NEDD4L: variants seen among roughly 807,000 people sequenced by gnomAD.
NEDD4L encodes the protein NEDD4 like E3 ubiquitin protein ligase.
Under a neutral mutation model 148.9 loss-of-function variants are expected in NEDD4L, and 54 were observed. The ratio of observed to expected loss-of-function variants is 0.36; its 90% confidence interval spans 0.29 to 0.45. The LOEUF is 0.45. Ranked by LOEUF, NEDD4L falls within the 20% of genes least tolerant of loss-of-function variation. The pLI, the probability that NEDD4L is intolerant of heterozygous loss-of-function variation, is 1.00. For missense variants in NEDD4L, 856 were observed against 1,233.8 expected (o/e 0.69, Z 4.59); for synonymous variants, 433 against 440.7 (o/e 0.98, Z 0.22).
intron 5 of NEDD4L, among the ~76,000 whole-genome samples, chr18:58,306,743 A>G (rs2057109923): frequency 6.6e-6 from 1 of 151,868 alleles, no homozygotes; most frequent in African/African-American, 2.4e-5. Flanking sequence ...CTCCTGCCTC[A>G]GCCTCCCAAG....
At chr18:58,236,578 ACT>A (rs1382510639) in intron 2 of NEDD4L, among the ~76,000 whole-genome samples, 4 of 151,850 alleles carry the variant, frequency 2.6e-5, no homozygotes, top group Non-Finnish European at 4.4e-5. Context: ...TGAAAGGGAG[ACT>A]CTAAGATCTT....
intron 5 of NEDD4L, among the ~76,000 whole-genome samples, chr18:58,299,085 C>T (rs1417155831): frequency 6.6e-6 from 1 of 152,206 alleles, no homozygotes; most frequent in African/African-American, 2.4e-5. Context: ...TGGCTCAGCA[C>T]AATTTGGTCT....
chr18:58,349,150 C>T (rs958191378), intron 16 of NEDD4L, among the ~76,000 whole-genome samples: 1 of 152,066 alleles, frequency 6.6e-6, no homozygotes, highest in East Asian at 1.9e-4. Flanking sequence ...ACCGGGAGCT[C>T]GGGACCCATG....
intron 5 of NEDD4L, among the ~76,000 whole-genome samples, chr18:58,303,078 T>C (rs914840456): frequency 4.6e-5 from 7 of 152,204 alleles, no homozygotes; most frequent in Admixed American, 2.6e-4. Context: ...CCTGGGGCCT[T>C]ACTTGACTCA....
chr18:58,355,595 G>T (rs2044504177), intron 18 of NEDD4L, among the ~76,000 whole-genome samples: 1 of 152,192 alleles, frequency 6.6e-6, no homozygotes, highest in Admixed American at 6.5e-5. Flanking sequence ...TTACTCAGCT[G>T]TACTCCGTTT....
intron 1 of NEDD4L, among the ~76,000 whole-genome samples, chr18:58,144,343 G>A (rs1210626956): frequency 2.6e-5 from 4 of 152,132 alleles, no homozygotes; most frequent in East Asian, 1.9e-4. Context: ...GGCATCTCAC[G>A]TGGCCAGAGC....
chr18:58,393,516 C>T (rs553137904), intron 30 of NEDD4L, among the ~76,000 whole-genome samples: 17 of 152,322 alleles, frequency 1.1e-4, no homozygotes, highest in African/African-American at 3.1e-4. Flanking sequence ...TTATGTGTCA[C>T]GGAAATAAAG....
At chr18:58,328,564 G>T (rs2059516140) in intron 9 of NEDD4L, among the ~76,000 whole-genome samples, 1 of 152,114 alleles carries the variant, frequency 6.6e-6, no homozygotes, top group Admixed American at 6.6e-5. Flanking sequence ...TCAAATTGCT[G>T]GTGACCAGAA....
chr18:58,147,726 T>C (rs552053469), intron 1 of NEDD4L, among the ~76,000 whole-genome samples: 1 of 152,290 alleles, frequency 6.6e-6, no homozygotes, highest in East Asian at 1.9e-4. Context: ...ATTTGCCGAT[T>C]CTATATTTTG....
chr18:58,186,211 G>A (rs576793879), intron 2 of NEDD4L, among the ~76,000 whole-genome samples: 34 of 152,332 alleles, frequency 2.2e-4, no homozygotes, highest in African/African-American at 7.7e-4. Context: ...AACCTGTGTT[G>A]AGATATCAGC....
chr18:58,361,887 A>T (rs201551858), intron 19 of NEDD4L, among the ~76,000 whole-genome samples: 4 of 60,140 alleles, frequency 6.7e-5, no homozygotes, highest in East Asian at 7.7e-4. Context: ...TCCAATAATT[A>T]AAAAAAAAAA....
chr18:58,110,995 C>A (rs577504984), intron 1 of NEDD4L, among the ~76,000 whole-genome samples: 2 of 152,312 alleles, frequency 1.3e-5, no homozygotes, highest in East Asian at 3.9e-4. Flanking sequence ...TTACAATTCA[C>A]CCATTTACAG....
chr18:58,210,071 C>G (rs2042445158), intron 2 of NEDD4L, among the ~76,000 whole-genome samples: 1 of 152,076 alleles, frequency 6.6e-6, no homozygotes, highest in African/African-American at 2.4e-5. Context: ...GGAGGTGAGG[C>G]AGGAGAATTG....
chr18:58,165,858 C>A lies in NEDD4L; in HGVS notation c.119C>A (p.Ala40Asp). The change falls in exon 2 of 31, where the codon GCC becomes GAC. Residue 40 changes from alanine to aspartate, a missense_variant. Around this residue, in one of 4 missense-constraint regions of NEDD4L, gnomAD observed 193 missense variants for 244.2 expected, o/e 0.79. Coordinates refer to ENST00000400345, the MANE Select transcript of NEDD4L (RefSeq NM_001144967.3). ...IDLAKKDIFG[A>D]SDPYVKLSLY... ...CTCGCCAAAAAGGACATCTTTGGAG[C>A]CAGGTATGTTGGCTTTGTTTTTATT... is the stretch of plus-strand genomic sequence containing the variant. 1 of 1,605,624 alleles carries A rather than the reference C, an allele frequency of 6.2e-7. No individual in the cohort carries two copies. The highest frequency in any genetic ancestry group is 8.5e-7 in the Non-Finnish European group (1 of 1,175,216).
chr18:58,101,129 G>A (rs139828006), intron 1 of NEDD4L, among the ~76,000 whole-genome samples: 124 of 152,310 alleles, frequency 8.1e-4, no homozygotes, highest in African/African-American at 2.9e-3. Context: ...CTTGATTATG[G>A]GTTATGGAAG....
chr18:58,059,874 GACAA>G (rs1023269278), intron 1 of NEDD4L, among the ~76,000 whole-genome samples: 5 of 152,134 alleles, frequency 3.3e-5, no homozygotes, highest in African/African-American at 1.2e-4. Context: ...ACATGTACAT[GACAA>G]ACAGATACAA....
intron 5 of NEDD4L, among the ~76,000 whole-genome samples, chr18:58,288,231 A>C (rs1217648196): frequency 1.3e-5 from 2 of 152,246 alleles, no homozygotes; most frequent in Non-Finnish European, 2.9e-5. Context: ...AAGAGAGAGA[A>C]AACATCTGCT....
At position 58,397,332 on chromosome 18, in the gene NEDD4L, G is replaced by A. The variant is rs944440740; in HGVS notation, c.*1063G>A. 2 of 152,632 alleles carry A rather than the reference G, an allele frequency of 1.3e-5. No individual in the cohort carries two copies. Among genetic ancestry groups the A allele is most frequent in the Admixed American group, 6.5e-5 (1 of 15,280 alleles). 9.5% of individuals were successfully genotyped at this position (152,632 alleles called of 1,614,324 possible). On this transcript the variant is annotated 3_prime_UTR_variant, in exon 31 of 31. Coordinates refer to ENST00000400345, the MANE Select transcript of NEDD4L (RefSeq NM_001144967.3). ...TCTGAAGGCACTTTATGTACTACATGGAGGTCATATCTGGTTTTGTTTTTA... is the reference window on the plus strand; with the variant it reads ...TCTGAAGGCACTTTATGTACTACATAGAGGTCATATCTGGTTTTGTTTTTA...
chr18:58,073,371 A>C (rs1599075546), intron 1 of NEDD4L, among the ~76,000 whole-genome samples: 1 of 152,226 alleles, frequency 6.6e-6, no homozygotes, highest in African/African-American at 2.4e-5. Context: ...AGTTATCAAG[A>C]CAGTGTGGTA....
Sources: allele counts gnomAD v4.1 joint callset (sites outside exome capture counted in the v4.1 genomes callset), GRCh38; gene constraint gnomAD v4.1.1; regional missense constraint gnomAD v4.1.1; transcripts MANE v1.5; gene names NCBI Gene and HGNC (gene_info 2026-07-23, HGNC 2026-07-21).